The following CYB5R4 variants were observed in gnomAD, a reference collection of about 807,000 sequenced individuals.
CYB5R4 encodes the protein N-terminal cytochrome b5 and cytochrome b5 oxidoreductase domain-containing protein.
CYB5R4 carries 55 observed loss-of-function variants against 70.2 expected under a neutral mutation model. The ratio of observed to expected loss-of-function variants is 0.78; its 90% confidence interval spans 0.63 to 0.98. The LOEUF (loss-of-function observed/expected upper bound fraction) is 0.98. Among genes scored for constraint, CYB5R4 ranks in the 50% least tolerant of loss-of-function variants. CYB5R4 has a pLI of 0.00. For synonymous variants in CYB5R4, 197 were observed against 199.5 expected (o/e 0.99, Z 0.11); for missense variants, 562 against 612.6 (o/e 0.92, Z 0.87).
intron 3 of CYB5R4, among the ~76,000 whole-genome samples, chr6:83,896,047 T>A (rs2099461845): frequency 6.6e-6 from 1 of 152,166 alleles, no homozygotes; most frequent in Non-Finnish European, 1.5e-5. Context: ...CAAGTCATTT[T>A]CTTTCCTCTT....
intron 8 of CYB5R4, among the ~76,000 whole-genome samples, chr6:83,921,601 A>G (rs2099466385): frequency 6.6e-6 from 1 of 152,172 alleles, no homozygotes; most frequent in African/African-American, 2.4e-5. Context: ...ACAAATTTGT[A>G]TTGTATCCTC....
chr6:83,927,069 G>A (rs749835336), intron 10 of CYB5R4, among the ~76,000 whole-genome samples: 3 of 151,980 alleles, frequency 2.0e-5, no homozygotes, highest in Non-Finnish European at 4.4e-5. Context: ...TCTGATTTCC[G>A]TTCTTCCTGT....
chr6:83,872,766 G>T (rs1002846427), intron 2 of CYB5R4, among the ~76,000 whole-genome samples: 1 of 152,120 alleles, frequency 6.6e-6, no homozygotes, highest in African/African-American at 2.4e-5. Flanking sequence ...CCCATTGCTG[G>T]TACAGTAATT....
rs529182900 is a variant in CYB5R4 at position 83,890,269 on chromosome 6, A to G, written c.230-3253A>G. 5.3e-5 allele frequency among the ~76,000 whole-genome samples: 8 copies of G among 152,326 alleles called. No homozygotes were observed. In the South Asian group the frequency reaches 1.0e-3, roughly 20 times the overall value. On this transcript the variant is annotated intron_variant, in intron 2 of 15. Transcript: ENST00000369681. ...GATTATGAGGAGAGAACAAAGTATCAACATTAACAGGAGTTTGGAAGAAGG... is the reference window on the plus strand; with the variant it reads ...GATTATGAGGAGAGAACAAAGTATCGACATTAACAGGAGTTTGGAAGAAGG...
At chr6:83,913,449 T>G (rs1259678233) in intron 4 of CYB5R4, among the ~76,000 whole-genome samples, 2 of 152,136 alleles carry the variant, frequency 1.3e-5, no homozygotes, top group African/African-American at 4.8e-5. Context: ...ATTTTCAGCC[T>G]TTTTTAGGAG....
At chr6:83,936,492 C>A (rs2099468947) in intron 12 of CYB5R4, 116 bp downstream of exon 12, 5 of 850,814 alleles carry the variant, frequency 5.9e-6, no homozygotes, top group Non-Finnish European at 9.1e-6. Context: ...TGTCTACAAC[C>A]AAAGTTATCT....
chr6:83,871,177 A>C (rs1254695099), intron 2 of CYB5R4, among the ~76,000 whole-genome samples: 1 of 151,766 alleles, frequency 6.6e-6, no homozygotes, highest in Non-Finnish European at 1.5e-5. Context: ...TGGGGGTTTC[A>C]CCATGTTGGC....
intron 2 of CYB5R4, among the ~76,000 whole-genome samples, chr6:83,885,181 A>G (rs1021187456): frequency 1.3e-5 from 2 of 152,234 alleles, no homozygotes; most frequent in African/African-American, 2.4e-5. Flanking sequence ...CATTTTGGCA[A>G]ATATCTTTAA....
intron 2 of CYB5R4, among the ~76,000 whole-genome samples, chr6:83,884,055 G>A (rs2099459884): frequency 1.3e-5 from 2 of 151,972 alleles, no homozygotes; most frequent in East Asian, 3.9e-4. Flanking sequence ...ACATATAACA[G>A]AAAACTTGGG....
chr6:83,914,378 T>G (rs1448130417), intron 4 of CYB5R4, 38 bp from the exon 5 acceptor site: 1 of 1,510,106 alleles, frequency 6.6e-7, no homozygotes, highest in Non-Finnish European at 9.0e-7. Flanking sequence ...GACATTAAAG[T>G]ATTCTTATTT....
At chr6:83,865,171 G>C (rs4593335) in intron 2 of CYB5R4, among the ~76,000 whole-genome samples, 23,393 of 152,160 alleles carry the variant, frequency 0.15, 3,513 homozygotes, top group African/African-American at 0.37. Context: ...TCTGTCCTGA[G>C]TGGCTGGCAC....
chr6:83,872,861 G>A (rs910276256), intron 2 of CYB5R4, among the ~76,000 whole-genome samples: 3 of 152,172 alleles, frequency 2.0e-5, no homozygotes, highest in Non-Finnish European at 4.4e-5. Flanking sequence ...CCAAACTGAA[G>A]CATATATGAC....
intron 10 of CYB5R4, among the ~76,000 whole-genome samples, chr6:83,931,132 T>A (rs2129141600): frequency 1.3e-5 from 2 of 152,360 alleles, no homozygotes; most frequent in South Asian, 4.1e-4. Flanking sequence ...CTTCAAGAGC[T>A]TTTCCATTGC....
chr6:83,905,247 G>A (rs2099463579), intron 3 of CYB5R4, among the ~76,000 whole-genome samples: 1 of 152,100 alleles, frequency 6.6e-6, no homozygotes, highest in African/African-American at 2.4e-5. Flanking sequence ...AGTAGAGATG[G>A]GGTTTCACCA....
intron 4 of CYB5R4, chr6:83,910,206 G>T (rs1381885128): frequency 3.5e-6 from 5 of 1,435,768 alleles, no homozygotes; most frequent in African/African-American, 1.4e-5. Flanking sequence ...TGGGCTGCCT[G>T]CCAGTTGGAA....
At position 83,919,549 on chromosome 6, in the gene CYB5R4, C is replaced by T; in HGVS notation, c.564+95C>T. The T allele has an allele frequency of 5.4e-6, 3 of 559,888 alleles. No homozygotes were observed. In the Admixed American group the frequency reaches 1.2e-4, roughly 22 times the overall value. The allele number at this position is 559,888 out of a possible 1,614,324, so 34.7% of individuals were successfully genotyped here. ...AAACACTTTTTTATATTATTTACTT[C>T]TCACTATAATTCTTTGAGGTAGATA... On this transcript the variant is annotated intron_variant, in intron 7 of 15. Transcript: ENST00000369681.
intron 14 of CYB5R4, among the ~76,000 whole-genome samples, chr6:83,941,869 A>G (rs1386610004): frequency 5.9e-5 from 9 of 152,208 alleles, no homozygotes; most frequent in African/African-American, 1.7e-4. Context: ...AGCGTTTATC[A>G]AGAAGCCTAA....
At chr6:83,900,840 T>C (rs1243797712) in intron 3 of CYB5R4, among the ~76,000 whole-genome samples, 1 of 152,166 alleles carries the variant, frequency 6.6e-6, no homozygotes, top group Non-Finnish European at 1.5e-5. Flanking sequence ...CTCCATCCCT[T>C]AATTTTGAGT....
intron 10 of CYB5R4, among the ~76,000 whole-genome samples, chr6:83,932,862 A>G (rs1048790343): frequency 7.2e-5 from 11 of 152,188 alleles, no homozygotes; most frequent in African/African-American, 2.4e-4. Flanking sequence ...AGGCAGTAAG[A>G]GTGCAGGTCT....
Sources: gnomAD v4.1 joint callset for allele counts (sites outside exome capture counted in the v4.1 genomes callset) on GRCh38, gnomAD v4.1.1 for gene constraint, MANE v1.5 for transcripts, NCBI Gene and HGNC (gene_info 2026-07-23, HGNC 2026-07-21) for gene names.